The following AMDHD1 variants were observed in gnomAD, a reference collection of about 807,000 sequenced individuals.
AMDHD1 encodes the protein amidohydrolase domain containing 1, also known as probable imidazolonepropionase.
Under a neutral mutation model 44.1 loss-of-function variants are expected in AMDHD1, and 45 were observed. The ratio of observed to expected loss-of-function variants is 1.02; its 90% CI spans 0.80 to 1.31. AMDHD1 has a LOEUF of 1.31. Ranked by LOEUF, AMDHD1 falls within the 50% of genes most tolerant of loss-of-function variation. The pLI, the probability that AMDHD1 is intolerant of heterozygous loss-of-function variation, is 0.00. For missense variants in AMDHD1, 586 were observed against 552.1 expected, an observed-to-expected ratio of 1.06 and a Z score of -0.61; for synonymous variants, 206 against 205.0, an observed-to-expected ratio of 1.00 and a Z score of -0.04.
In AMDHD1 at chr12:95,962,462, C is replaced by T. The variant is rs2080587627; in HGVS notation, c.921C>T (p.Thr307=). The T allele has an allele frequency of 1.2e-6, 2 of 1,611,356 alleles. No individual in the cohort carries two copies. The highest frequency in any genetic ancestry group is 1.7e-6 in the Non-Finnish European group (2 of 1,179,296). The part of the protein sequence containing the change: ...TARCSAILLP[T]TAYMLRLKQP... ...GGTGCTCTGCCATCCTTCTGCCCAC[C>T]ACAGCCTACATGCTGAGGTAAGGTC... Residue 307 remains threonine (T), a synonymous_variant, in exon 6 of 9, where the codon ACC becomes ACT. Transcript: ENST00000266736.
chr12:95,954,097 C>T (rs1401852852), intron 2 of AMDHD1, among the ~76,000 whole-genome samples: 3 of 152,118 alleles, frequency 2.0e-5, no homozygotes, highest in African/African-American at 7.2e-5. Flanking sequence ...GATTGCTTTA[C>T]AGTTTCTCCT....
At chr12:95,961,071 G>A (rs2080579131) in intron 5 of AMDHD1, among the ~76,000 whole-genome samples, 1 of 148,358 alleles carries the variant, frequency 6.7e-6, no homozygotes, top group South Asian at 2.1e-4. Flanking sequence ...GCTTGAACTG[G>A]GAGGCACAGG....
At chr12:95,947,622 TG>T (rs1234113991) in intron 1 of AMDHD1, among the ~76,000 whole-genome samples, 1 of 40,776 alleles carries the variant, frequency 2.5e-5, no homozygotes, top group Non-Finnish European at 4.1e-5. Flanking sequence ...AGGAGGGAGG[TG>T]GGGGGGTCAG....
rs1331613311 is a variant in AMDHD1 at position 95,948,379 on chromosome 12, T to G, written c.138-4338T>G. Among the ~76,000 whole-genome samples, 2 of 43,000 alleles carry G rather than the reference T, an allele frequency of 4.7e-5. 1 individual carries two copies. The highest frequency in any genetic ancestry group is 1.9e-3 in the South Asian group (2 of 1,070). The allele number at this position is 43,000 out of a possible 152,430, so 28.2% of individuals were successfully genotyped here. ...GGAGGTGGGGGGGGGTCAGCCCCCC[T>G]GCCCGGCCAGTGGCCCCGTCCGGGA... On this transcript the variant is annotated intron_variant, in intron 1 of 8. Transcript: ENST00000266736.
At chr12:95,953,235 A>G (rs2080532963) in intron 2 of AMDHD1, among the ~76,000 whole-genome samples, 1 of 152,214 alleles carries the variant, frequency 6.6e-6, no homozygotes, top group Non-Finnish European at 1.5e-5. Context: ...AATCCATGGC[A>G]TAGGAGAGGC....
At position 95,966,286 on chromosome 12, in the gene AMDHD1, A is replaced by C; in HGVS notation, c.1033-62A>C. ...TCTATTTGTTGTGCTGTGTTGAGAA[A>C]TGTTTTAAATTGCAGTTGCCATATG... On this transcript the variant is annotated intron_variant, in intron 7 of 8. Transcript: ENST00000266736. 3 of 1,584,592 alleles carry C rather than the reference A, an allele frequency of 1.9e-6. No individual in the cohort carries two copies. The South Asian group carries it at 3.4e-5, about 18-fold the overall frequency.
At chr12:95,957,778 C>T (rs2080559298) in intron 4 of AMDHD1, among the ~76,000 whole-genome samples, 1 of 152,170 alleles carries the variant, frequency 6.6e-6, no homozygotes, top group Non-Finnish European at 1.5e-5. Flanking sequence ...TTAGGCCAGG[C>T]ATAGTGGCTC....
At chr12:95,962,963 T>C (rs1248104267) in intron 6 of AMDHD1, among the ~76,000 whole-genome samples, 5 of 152,158 alleles carry the variant, frequency 3.3e-5, no homozygotes, top group Non-Finnish European at 5.9e-5. Context: ...AGAGGAGACA[T>C]ATATTTTATA....
chr12:95,954,517 G>C (rs2080540344), intron 2 of AMDHD1, among the ~76,000 whole-genome samples: 1 of 151,836 alleles, frequency 6.6e-6, no homozygotes. Flanking sequence ...GTAGGGAGCT[G>C]TGAGTGTGCC....
At chr12:95,952,139 C>A (rs941598462) in intron 1 of AMDHD1, among the ~76,000 whole-genome samples, 1 of 152,106 alleles carries the variant, frequency 6.6e-6, no homozygotes, top group Admixed American at 6.5e-5. Flanking sequence ...TGTGGGGTAT[C>A]CCTCAAGAAA....
chr12:95,966,632 C>T (rs1463360300), intron 8 of AMDHD1, 124 bp downstream of exon 8: 23 of 1,229,616 alleles, frequency 1.9e-5, no homozygotes, highest in African/African-American at 6.0e-5. Context: ...TATCCAGTCC[C>T]CTCTATCTTG....
intron 1 of AMDHD1, among the ~76,000 whole-genome samples, chr12:95,947,967 C>T (rs1214132713): frequency 4.4e-5 from 6 of 136,988 alleles, no homozygotes; most frequent in African/African-American, 1.1e-4. Context: ...CCCGGCCAGC[C>T]GCCCTGTCCG....
At position 95,966,487 on chromosome 12, in the gene AMDHD1, T is replaced by A. The variant is rs763515851; in HGVS notation, c.1172T>A (p.Leu391His). Residue 391 changes from leucine to histidine, a missense_variant, in exon 8 of 9, where the codon CTC becomes CAC. Leu to His is a moderately conservative substitution (Grantham distance 99, BLOSUM62 -3). Transcript: ENST00000266736. Reference sequence around the variant, plus strand: ...TTGGAAGTTGGCAAACAGGGAGATCTCATTATCATCAATTCATCCCGGTGA... The same window carrying A: ...TTGGAAGTTGGCAAACAGGGAGATCACATTATCATCAATTCATCCCGGTGA... ...GSLEVGKQGDLIIINSSRWEH... is the reference protein window; with the variant it reads ...GSLEVGKQGDHIIINSSRWEH... The A allele has an allele frequency of 1.2e-6, 2 of 1,614,244 alleles. No homozygotes were observed. The highest frequency in any genetic ancestry group is 2.2e-5 in the South Asian group (2 of 91,092).
intron 4 of AMDHD1, among the ~76,000 whole-genome samples, chr12:95,958,695 G>C (rs1258880262): frequency 1.3e-5 from 2 of 152,160 alleles, no homozygotes; most frequent in Non-Finnish European, 2.9e-5. Context: ...TTCTGAACAT[G>C]AATTACTCAT....
At position 95,943,477 on chromosome 12, in the gene AMDHD1, G is replaced by A; in HGVS notation, c.79G>A (p.Ala27Thr). 3.3e-6 allele frequency: 5 copies of A among 1,502,704 alleles called. No homozygotes were observed. The highest frequency in any genetic ancestry group is 4.4e-6 in the Non-Finnish European group (5 of 1,130,262). 93.1% of individuals were successfully genotyped at this position (1,502,704 alleles called of 1,614,324 possible). ...LVCARGERFLARDALRSLAVL... is the reference protein window; with the variant it reads ...LVCARGERFLTRDALRSLAVL... ...GTGCGCCCGCGGCGAGCGCTTCCTG[G>A]CGCGGGATGCGCTGCGCAGCCTGGC... The change falls in exon 1 of 9, where the codon GCG becomes ACG. Residue 27 changes from alanine (A) to threonine (T), a missense_variant. Coordinates refer to ENST00000266736, the MANE Select transcript of AMDHD1 (RefSeq NM_152435.3).
chr12:95,957,097 A>G (rs1388937595), intron 4 of AMDHD1, 135 bp downstream of exon 4: 2 of 1,233,642 alleles, frequency 1.6e-6, no homozygotes, highest in African/African-American at 3.0e-5. Context: ...TCTAATGGCC[A>G]CTCATCCCGC....
intron 6 of AMDHD1, among the ~76,000 whole-genome samples, chr12:95,965,313 A>G (rs917418995): frequency 6.6e-6 from 1 of 152,050 alleles, no homozygotes; most frequent in East Asian, 1.9e-4. Context: ...AAAAAAAAAA[A>G]AAAAAAAGCA....
chr12:95,966,289 T>C lies in AMDHD1; in HGVS notation c.1033-59T>C, dbSNP rs531222035. 41 of 1,591,296 alleles carry C rather than the reference T, an allele frequency of 2.6e-5. No homozygotes were observed. The Admixed American group carries it at 4.6e-4, about 18-fold the overall frequency. On this transcript the variant is annotated intron_variant, in intron 7 of 8. Transcript: ENST00000266736. ...ATTTGTTGTGCTGTGTTGAGAAATG[T>C]TTTAAATTGCAGTTGCCATATGTCA...
Position 95,952,745 on chromosome 12 carries a change from G to C in AMDHD1, c.166G>C (p.Ala56Pro). Residue 56 changes from alanine to proline, a missense_variant, in exon 2 of 9, where the codon GCT becomes CCT. Transcript: ENST00000266736. ...TGGATTTATAAAAGCTATTGGTCCT[G>C]CTGATGTTATTCAAAGACAGTTTTC... ...KDGFIKAIGPADVIQRQFSGE... is the reference protein window; with the variant it reads ...KDGFIKAIGPPDVIQRQFSGE... 1 of 1,612,246 alleles carries C rather than the reference G, an allele frequency of 6.2e-7. No individual in the cohort carries two copies. Among genetic ancestry groups the C allele is most frequent in the South Asian group, 1.1e-5 (1 of 91,028 alleles).
Sources: gnomAD v4.1 joint callset for allele counts (sites outside exome capture counted in the v4.1 genomes callset) on GRCh38, gnomAD v4.1.1 for gene constraint, MANE v1.5 for transcripts, NCBI Gene and HGNC (gene_info 2026-07-23, HGNC 2026-07-21) for gene names.